Variants in ESRRG observed in about 807,000 individuals in gnomAD.
ESRRG encodes estrogen-related receptor gamma.
Under a neutral mutation model 44.0 loss-of-function variants are expected in ESRRG, and 13 were observed. The observed-to-expected ratio is 0.30, with a 90% CI of 0.19 to 0.47. ESRRG has a LOEUF of 0.47. Ranked by LOEUF, ESRRG falls within the 20% of genes least tolerant of loss-of-function variation. The pLI, the probability that ESRRG is intolerant of heterozygous loss-of-function variation, is 1.00. For missense variants in ESRRG, 395 were observed against 580.6 expected, an observed-to-expected ratio of 0.68 and a Z score of 3.29; for synonymous variants, 215 against 214.6, an observed-to-expected ratio of 1.00 and a Z score of -0.02.
Position 216,511,367 on chromosome 1 carries a change from C to T in ESRRG, c.1133-4184G>A, listed in dbSNP as rs182520588. Among the ~76,000 whole-genome samples, 517 of 152,092 alleles carry T rather than the reference C, an allele frequency of 3.4e-3. 5 individuals are homozygous for T. Among genetic ancestry groups the T allele is most frequent in the African/African-American group, 0.012 (491 of 41,498 alleles). On this transcript the variant is annotated intron_variant, in intron 6 of 6. Coordinates refer to ENST00000408911, the MANE Select transcript of ESRRG (RefSeq NM_001438.4). The stretch of plus-strand genomic sequence containing the variant: ...GGTACTGAGGAACACTGGTTGATTG[C>T]CATGTCAAATGGACTTTAAGTTAAC...
intron 2 of ESRRG, among the ~76,000 whole-genome samples, chr1:216,888,447 G>T (rs2057341967): frequency 6.6e-6 from 1 of 152,070 alleles, no homozygotes; most frequent in Admixed American, 6.6e-5. Flanking sequence ...ATTTATTCAT[G>T]TATTTTACAC....
chr1:216,698,616 A>G (rs1420451642), intron 1 of ESRRG, among the ~76,000 whole-genome samples: 1 of 151,936 alleles, frequency 6.6e-6, no homozygotes, highest in Non-Finnish European at 1.5e-5. Context: ...TTTTTATGGG[A>G]AAATCACAAA....
At chr1:216,988,253 T>A (rs1416538) in intron 1 of ESRRG, among the ~76,000 whole-genome samples, 1 of 152,012 alleles carries the variant, frequency 6.6e-6, no homozygotes, top group African/African-American at 2.4e-5. Context: ...AACAGCATGA[T>A]TGCTTTCTGG....
At chr1:216,934,198 CTGAGG>C (rs1209852129) in intron 2 of ESRRG, among the ~76,000 whole-genome samples, 1 of 152,140 alleles carries the variant, frequency 6.6e-6, no homozygotes, top group East Asian at 1.9e-4. Flanking sequence ...CTTTAGGAGG[CTGAGG>C]TGGGTGGATC....
chr1:216,649,509 T>TAC (rs200594430), intron 3 of ESRRG, among the ~76,000 whole-genome samples: 2,347 of 145,402 alleles, frequency 0.016, 39 homozygotes, highest in Non-Finnish European at 0.022. Context: ...TATATATACA[T>TAC]ATACACACAC....
intron 2 of ESRRG, among the ~76,000 whole-genome samples, chr1:216,856,411 T>C (rs541198171): frequency 1.3e-5 from 2 of 148,986 alleles, no homozygotes; most frequent in East Asian, 3.9e-4. Context: ...CAGAAGCGAT[T>C]CGAGAGTGAA....
chr1:216,886,520 T>C (rs562307478), intron 2 of ESRRG, among the ~76,000 whole-genome samples: 1 of 152,282 alleles, frequency 6.6e-6, no homozygotes, highest in South Asian at 2.1e-4. Context: ...TAGTAAAGAA[T>C]TGGCAATACC....
chr1:216,957,800 A>T (rs11117739), intron 1 of ESRRG, among the ~76,000 whole-genome samples: 99,681 of 151,990 alleles, frequency 0.66, 35,792 homozygotes, highest in Non-Finnish European at 0.82. Flanking sequence ...TATCCATTAA[A>T]TAACTAATTA....
At chr1:216,660,778 G>A (rs767457711) in intron 2 of ESRRG, among the ~76,000 whole-genome samples, 1 of 152,054 alleles carries the variant, frequency 6.6e-6, no homozygotes, top group Non-Finnish European at 1.5e-5. Context: ...ATAGGATAGG[G>A]TTGCTTTTAG....
chr1:216,613,583 T>C (rs887493823), intron 3 of ESRRG, among the ~76,000 whole-genome samples: 16 of 152,308 alleles, frequency 1.1e-4, no homozygotes, highest in Non-Finnish European at 2.1e-4. Context: ...TATAACATTG[T>C]TGTGTTCAAC....
chr1:217,039,408 A>T (rs186585847), intron 1 of ESRRG, among the ~76,000 whole-genome samples: 39 of 152,330 alleles, frequency 2.6e-4, no homozygotes, highest in Admixed American at 1.2e-3. Flanking sequence ...TTACAGTTCC[A>T]CATGTAAGTG....
intron 2 of ESRRG, among the ~76,000 whole-genome samples, chr1:216,775,604 C>T (rs764476354): frequency 2.7e-4 from 32 of 120,384 alleles, no homozygotes; most frequent in Non-Finnish European, 3.0e-4. Context: ...GACAGCGTCT[C>T]ACGCTGTCGC....
chr1:217,058,234 G>A (rs1057076302), intron 1 of ESRRG, among the ~76,000 whole-genome samples: 11 of 152,034 alleles, frequency 7.2e-5, no homozygotes, highest in Non-Finnish European at 1.3e-4. Context: ...ACTTTCTAAC[G>A]CAAACGCTTT....
intron 3 of ESRRG, among the ~76,000 whole-genome samples, chr1:216,570,389 A>G (rs1272868548): frequency 6.6e-6 from 1 of 152,170 alleles, no homozygotes; most frequent in Non-Finnish European, 1.5e-5. Context: ...TCCTTTGTTT[A>G]TCTAATTTCT....
intron 1 of ESRRG, among the ~76,000 whole-genome samples, chr1:216,947,535 T>C (rs941248398): frequency 6.6e-6 from 1 of 152,172 alleles, no homozygotes; most frequent in African/African-American, 2.4e-5. Context: ...CAAGCTACAA[T>C]GGCTTATTTC....
chr1:216,720,927 T>C (rs1037234942), intron 1 of ESRRG, among the ~76,000 whole-genome samples: 8 of 152,180 alleles, frequency 5.3e-5, no homozygotes, highest in Non-Finnish European at 1.0e-4. Context: ...AAACAGTCAG[T>C]AAAATTAAGT....
intron 1 of ESRRG, among the ~76,000 whole-genome samples, chr1:217,003,817 T>C (rs542039065): frequency 6.6e-6 from 1 of 152,034 alleles, no homozygotes; most frequent in East Asian, 1.9e-4. Flanking sequence ...CTGTTGTTTT[T>C]CATCATAAAT....
At chr1:216,863,403 C>A (rs1416066995) in intron 2 of ESRRG, 1 of 152,078 alleles carries the variant, frequency 6.6e-6, no homozygotes, top group African/African-American at 2.4e-5. Flanking sequence ...CTCAGAATTT[C>A]TTTCCTTCAA....
rs556999034 is a variant in ESRRG, at chr1:216,906,397, T to C, written c.-14+33185A>G. 3.9e-5 allele frequency among the ~76,000 whole-genome samples: 6 copies of C among 152,314 alleles called. No individual in the cohort carries two copies. In the East Asian group the frequency reaches 7.7e-4, roughly 20 times the overall value. On this transcript the variant is annotated intron_variant, in intron 2 of 7. Coordinates refer to the ESRRG transcript ENST00000359162. ...TGGAGGGAGAGGCTAAGTGGTGACT[T>C]GTACTCTCCCAACCCACACAATCCT...
Sources: gnomAD v4.1 joint callset for allele counts (sites outside exome capture counted in the v4.1 genomes callset) on GRCh38, gnomAD v4.1.1 for gene constraint, MANE v1.5 for transcripts, NCBI Gene and HGNC (gene_info 2026-07-23, HGNC 2026-07-21) for gene names.